FMNL2: variants seen among roughly 807,000 people sequenced by gnomAD.
FMNL2 encodes formin-like protein 2.
FMNL2 carries 51 observed loss-of-function variants against 130.2 expected under a neutral mutation model. The observed-to-expected ratio is 0.39, with a 90% CI of 0.31 to 0.49. FMNL2 has a LOEUF of 0.49. FMNL2 is among the 20% of genes least tolerant of loss of function. The pLI is 0.85. For synonymous variants in FMNL2, 465 were observed against 467.1 expected (o/e 1.00, Z 0.06); for missense variants, 977 against 1,316.2 (o/e 0.74, Z 3.99).
intron 9 of FMNL2, among the ~76,000 whole-genome samples, chr2:152,598,517 C>T (rs558356272): frequency 2.6e-5 from 4 of 152,190 alleles, no homozygotes; most frequent in Admixed American, 6.5e-5. Context: ...GGCGAAACCC[C>T]GTTTCTACTA....
chr2:152,420,558 ACT>A (rs779591568), intron 1 of FMNL2, among the ~76,000 whole-genome samples: 3 of 152,148 alleles, frequency 2.0e-5, no homozygotes, highest in Non-Finnish European at 4.4e-5. Flanking sequence ...CAAGGATGGT[ACT>A]CAGCACTGGG....
In FMNL2 at chr2:152,648,904, GT is replaced by G. The variant is rs1300300617; in HGVS notation, c.*1001del. ...CTACTTATGGAGAATTGCAGTTTAAGTTGCTGAAAAGTATTAACATGGTATT... is the reference window on the plus strand; with the variant it reads ...CTACTTATGGAGAATTGCAGTTTAAGTGCTGAAAAGTATTAACATGGTATT... On this transcript the variant is annotated 3_prime_UTR_variant, in exon 26 of 26. Transcript: ENST00000288670. 2.0e-5 allele frequency: 3 copies of G among 152,570 alleles called. No homozygotes were observed. The highest frequency in any genetic ancestry group is 7.2e-5 in the African/African-American group (3 of 41,444). The allele number at this position is 152,570 out of a possible 1,614,324, so 9.5% of individuals were successfully genotyped here.
At chr2:152,471,153 GAA>G (rs57848148) in intron 1 of FMNL2, among the ~76,000 whole-genome samples, 7 of 137,932 alleles carry the variant, frequency 5.1e-5, no homozygotes, top group South Asian at 2.2e-4. Flanking sequence ...GTGATTTAAA[GAA>G]AAAAAAAAAA....
chr2:152,523,644 TTCTC>T (rs1281080740), intron 2 of FMNL2, among the ~76,000 whole-genome samples: 1 of 152,228 alleles, frequency 6.6e-6, no homozygotes, highest in Non-Finnish European at 1.5e-5. Flanking sequence ...TCTGTTCTGC[TTCTC>T]TCTAAGGAAG....
chr2:152,363,603 C>T (rs1399316046), intron 1 of FMNL2, among the ~76,000 whole-genome samples: 1 of 151,974 alleles, frequency 6.6e-6, no homozygotes, highest in Middle Eastern at 3.2e-3. Context: ...GCTCTGTCGC[C>T]CAGGCTGGGG....
intron 1 of FMNL2, among the ~76,000 whole-genome samples, chr2:152,449,709 C>G (rs531357265): frequency 6.6e-6 from 1 of 152,266 alleles, no homozygotes; most frequent in African/African-American, 2.4e-5. Flanking sequence ...GTAAGAGTTA[C>G]GGCTTTTTAG....
intron 1 of FMNL2, among the ~76,000 whole-genome samples, chr2:152,466,251 G>C (rs935140716): frequency 6.6e-6 from 1 of 152,290 alleles, no homozygotes; most frequent in South Asian, 2.1e-4. Context: ...TGCCCGCTGC[G>C]GGGGAGGACA....
chr2:152,509,610 G>A (rs751960247), intron 1 of FMNL2, among the ~76,000 whole-genome samples: 14 of 151,852 alleles, frequency 9.2e-5, no homozygotes, highest in Non-Finnish European at 1.9e-4. Flanking sequence ...CCCCAAACAT[G>A]GTATATAGAA....
At chr2:152,528,226 A>G (rs1182936778) in intron 2 of FMNL2, among the ~76,000 whole-genome samples, 1 of 152,190 alleles carries the variant, frequency 6.6e-6, no homozygotes, top group Non-Finnish European at 1.5e-5. Context: ...ACTGTAGTAT[A>G]AGGTTTTTTG....
chr2:152,465,591 A>T (rs1477412379), intron 1 of FMNL2, among the ~76,000 whole-genome samples: 1 of 152,210 alleles, frequency 6.6e-6, no homozygotes, highest in African/African-American at 2.4e-5. Flanking sequence ...CATTGCACTT[A>T]AACCCCAGTA....
At chr2:152,418,467 A>AC (rs1686735522) in intron 1 of FMNL2, among the ~76,000 whole-genome samples, 1 of 151,464 alleles carries the variant, frequency 6.6e-6, no homozygotes, top group Non-Finnish European at 1.5e-5. Flanking sequence ...CATTCCCCCC[A>AC]CCCCTTCCCC....
In FMNL2 at chr2:152,562,297, A is replaced by G. The variant is rs1695576999; in HGVS notation, c.596+1262A>G. Among the ~76,000 whole-genome samples, 4 of 152,056 alleles carry G rather than the reference A, an allele frequency of 2.6e-5. No homozygotes were observed. The South Asian group carries it at 8.3e-4, about 31-fold the overall frequency. On this transcript the variant is annotated intron_variant, in intron 6 of 25. Coordinates refer to ENST00000288670, the MANE Select transcript of FMNL2 (RefSeq NM_052905.4). ...TTCTAGCTTAAAGTGTTTCTATCTT[A>G]TTTCAGGCATGATCTGGCAAGAGGA... is the stretch of plus-strand genomic sequence containing the variant.
rs1183336573 is a variant in FMNL2 at position 152,412,452 on chromosome 2, A to T, written c.117+76732A>T. On this transcript the variant is annotated intron_variant, in intron 1 of 25. Transcript: ENST00000288670. The stretch of plus-strand genomic sequence containing the variant: ...TTACTTTCTTCTGTATATTTTATAT[A>T]TATATATATATATATATATATATAT... 9.6e-3 allele frequency among the ~76,000 whole-genome samples: 61 copies of T among 6,342 alleles called. 1 individual carries two copies. The highest frequency in any genetic ancestry group is 0.083 in the Middle Eastern group (1 of 12). 4.2% of individuals were successfully genotyped at this position (6,342 alleles called of 152,430 possible).
intron 6 of FMNL2, among the ~76,000 whole-genome samples, chr2:152,568,549 C>T (rs1290194268): frequency 1.3e-5 from 2 of 152,078 alleles, no homozygotes; most frequent in Non-Finnish European, 2.9e-5. Flanking sequence ...TGTCACACTG[C>T]TATAAGGACA....
intron 3 of FMNL2, among the ~76,000 whole-genome samples, chr2:152,546,107 G>A (rs770854198): frequency 2.3e-4 from 35 of 152,116 alleles, no homozygotes; most frequent in Non-Finnish European, 4.3e-4. Flanking sequence ...TCAGTGCTAC[G>A]CTGGGTGCCC....
At chr2:152,389,420 C>G (rs1423152442) in intron 1 of FMNL2, among the ~76,000 whole-genome samples, 5 of 152,196 alleles carry the variant, frequency 3.3e-5, no homozygotes, top group African/African-American at 1.2e-4. Context: ...AATCACCTCC[C>G]AAGAGCCCCA....
chr2:152,336,278 T>C (rs917426321), intron 1 of FMNL2, among the ~76,000 whole-genome samples: 4 of 151,876 alleles, frequency 2.6e-5, no homozygotes, highest in African/African-American at 9.7e-5. Context: ...CAAGGGGAGC[T>C]TCCCCGAAAG....
intron 6 of FMNL2, among the ~76,000 whole-genome samples, chr2:152,566,691 G>A (rs1339762216): frequency 6.6e-6 from 1 of 152,158 alleles, no homozygotes; most frequent in Non-Finnish European, 1.5e-5. Context: ...TGGCTGACAA[G>A]GGACTTAAGT....
intron 17 of FMNL2, among the ~76,000 whole-genome samples, chr2:152,627,468 C>T (rs1021432518): frequency 1.3e-5 from 2 of 152,170 alleles, no homozygotes; most frequent in Admixed American, 6.5e-5. Flanking sequence ...TTAGAGGCTT[C>T]GAGGTGTAAA....
Sources: allele counts gnomAD v4.1 joint callset (sites outside exome capture counted in the v4.1 genomes callset), GRCh38; gene constraint gnomAD v4.1.1; transcripts MANE v1.5; gene names NCBI Gene and HGNC (gene_info 2026-07-23, HGNC 2026-07-21).